The following GALNTL6 variants were observed in gnomAD, a reference collection of about 807,000 sequenced individuals.
GALNTL6 encodes polypeptide N-acetylgalactosaminyltransferase like 6, also known as polypeptide N-acetylgalactosaminyltransferase-like 6.
A neutral mutation model predicts 73.7 loss-of-function variants in GALNTL6; 46 were observed. The ratio of observed to expected loss-of-function variants is 0.62; its 90% CI spans 0.49 to 0.80. GALNTL6 has a LOEUF of 0.80. Ranked by LOEUF, GALNTL6 falls within the 30% of genes least tolerant of loss-of-function variation. The pLI, the probability that GALNTL6 is intolerant of heterozygous loss-of-function variation, is 0.00. For synonymous variants in GALNTL6, 259 were observed against 263.7 expected (o/e 0.98, Z 0.17); for missense variants, 604 against 755.0 (o/e 0.80, Z 2.34).
At chr4:172,938,231 A>C (rs2111338711) in intron 9 of GALNTL6, among the ~76,000 whole-genome samples, 1 of 152,236 alleles carries the variant, frequency 6.6e-6, no homozygotes, top group Admixed American at 6.5e-5. Flanking sequence ...AGCTCTGCTG[A>C]TTCCATAGAT....
intron 3 of GALNTL6, among the ~76,000 whole-genome samples, chr4:172,280,911 A>G (rs1739022387): frequency 6.6e-6 from 1 of 152,102 alleles, no homozygotes. Flanking sequence ...CTGTAATCCC[A>G]GCACTTTGGG....
At chr4:172,312,065 T>G (rs1740381933) in intron 4 of GALNTL6, among the ~76,000 whole-genome samples, 1 of 152,152 alleles carries the variant, frequency 6.6e-6, no homozygotes, top group South Asian at 2.1e-4. Flanking sequence ...AAAGCAAATG[T>G]TTTTTGCTGG....
At chr4:172,040,313 C>T (rs1004462165) in intron 2 of GALNTL6, among the ~76,000 whole-genome samples, 13 of 151,954 alleles carry the variant, frequency 8.6e-5, no homozygotes, top group Non-Finnish European at 1.8e-4. Context: ...CTCAACTATT[C>T]TAATATTTCT....
At chr4:172,774,915 G>A (rs184870997) in intron 5 of GALNTL6, among the ~76,000 whole-genome samples, 14 of 151,600 alleles carry the variant, frequency 9.2e-5, no homozygotes, top group African/African-American at 3.2e-4. Context: ...AGCCAAGATC[G>A]CAGCACTGTA....
At chr4:172,595,400 T>C (rs1462427723) in intron 5 of GALNTL6, among the ~76,000 whole-genome samples, 2 of 152,174 alleles carry the variant, frequency 1.3e-5, no homozygotes, top group African/African-American at 4.8e-5. Flanking sequence ...GATATCCTGA[T>C]ATCACAATAA....
intron 5 of GALNTL6, among the ~76,000 whole-genome samples, chr4:172,600,161 T>A (rs1304188650): frequency 6.6e-6 from 1 of 152,162 alleles, no homozygotes; most frequent in Non-Finnish European, 1.5e-5. Context: ...ATAGTTGTAA[T>A]TTTTAACGTT....
chr4:172,885,446 T>A (rs1745670194), intron 8 of GALNTL6, among the ~76,000 whole-genome samples: 1 of 152,196 alleles, frequency 6.6e-6, no homozygotes, highest in Non-Finnish European at 1.5e-5. Flanking sequence ...ATTTATCAGT[T>A]CCAGGAACTT....
At chr4:172,466,165 TCACAAGATG>T in intron 5 of GALNTL6, among the ~76,000 whole-genome samples, 1 of 152,158 alleles carries the variant, frequency 6.6e-6, no homozygotes, top group Non-Finnish European at 1.5e-5. Flanking sequence ...TAGCAAAATC[TCACAAGATG>T]GCAAGAATTA....
At chr4:172,052,042 T>C (rs1476045486) in intron 2 of GALNTL6, among the ~76,000 whole-genome samples, 2 of 152,138 alleles carry the variant, frequency 1.3e-5, no homozygotes, top group Non-Finnish European at 2.9e-5. Context: ...TTCTAGGAGA[T>C]GAAATATTGC....
chr4:172,132,737 A>G (rs2111021545), intron 2 of GALNTL6, among the ~76,000 whole-genome samples: 1 of 152,292 alleles, frequency 6.6e-6, no homozygotes, highest in East Asian at 1.9e-4. Context: ...TTATGAATGC[A>G]GTGTTTAAAA....
At chr4:172,438,336 T>C (rs1731710237) in intron 5 of GALNTL6, among the ~76,000 whole-genome samples, 2 of 151,978 alleles carry the variant, frequency 1.3e-5, no homozygotes, top group Non-Finnish European at 2.9e-5. Context: ...AAACCTCATA[T>C]AACCTCACTT....
chr4:172,537,156 G>A (rs561756243), intron 5 of GALNTL6, among the ~76,000 whole-genome samples: 2 of 152,250 alleles, frequency 1.3e-5, no homozygotes, highest in East Asian at 3.9e-4. Context: ...AGTTAATGCT[G>A]GAATGAATGA....
intron 5 of GALNTL6, among the ~76,000 whole-genome samples, chr4:172,374,383 C>T (rs1006954619): frequency 4.0e-5 from 6 of 151,494 alleles, no homozygotes; most frequent in African/African-American, 1.5e-4. Flanking sequence ...CCAGGGCTTG[C>T]TTTTGGAGCT....
rs566122380 is a variant in GALNTL6 at position 172,594,694 on chromosome 4, T to C, written c.554-214667T>C. Among the ~76,000 whole-genome samples the C allele has an allele frequency of 2.0e-5, 3 of 152,328 alleles. No individual in the cohort carries two copies. In the South Asian group the frequency reaches 6.2e-4, roughly 32 times the overall value. ...CTTACATATTAAAGAATAATTTTAA[T>C]TTGAAAAAGGATCTCAACACATACT... On this transcript the variant is annotated intron_variant, in intron 5 of 12. Coordinates refer to ENST00000506823, the MANE Select transcript of GALNTL6 (RefSeq NM_001034845.3).
chr4:172,190,022 A>T (rs1354175170), intron 2 of GALNTL6, among the ~76,000 whole-genome samples: 1 of 152,174 alleles, frequency 6.6e-6, no homozygotes, highest in East Asian at 1.9e-4. Flanking sequence ...AATAGATGTT[A>T]TGCATGTAGA....
At chr4:171,955,681 A>T (rs891495464) in intron 2 of GALNTL6, among the ~76,000 whole-genome samples, 2 of 152,036 alleles carry the variant, frequency 1.3e-5, no homozygotes, top group Non-Finnish European at 2.9e-5. Context: ...TACAGATGCA[A>T]ATTTTTTAAA....
intron 7 of GALNTL6, among the ~76,000 whole-genome samples, chr4:172,877,356 G>A (rs1745243143): frequency 6.6e-6 from 1 of 151,844 alleles, no homozygotes; most frequent in African/African-American, 2.4e-5. Flanking sequence ...ATGTGAAATA[G>A]AGAATATTAG....
chr4:172,236,840 A>C (rs969833743), intron 3 of GALNTL6, among the ~76,000 whole-genome samples: 1 of 152,162 alleles, frequency 6.6e-6, no homozygotes, highest in Non-Finnish European at 1.5e-5. Flanking sequence ...AGTATTCAAT[A>C]GGTATTTTTT....
At chr4:172,083,778 G>T (rs867932764) in intron 2 of GALNTL6, among the ~76,000 whole-genome samples, 1 of 152,092 alleles carries the variant, frequency 6.6e-6, no homozygotes, top group Non-Finnish European at 1.5e-5. Flanking sequence ...CTCCATTACA[G>T]CATAAGCTAC....
Sources: allele counts gnomAD v4.1 joint callset (sites outside exome capture counted in the v4.1 genomes callset), GRCh38; gene constraint gnomAD v4.1.1; transcripts MANE v1.5; gene names NCBI Gene and HGNC (gene_info 2026-07-23, HGNC 2026-07-21).